LGSN: variants seen among roughly 807,000 people sequenced by gnomAD.
The protein encoded by LGSN is lengsin.
A neutral mutation model predicts 19.5 loss-of-function variants in LGSN; 21 were observed. That is an observed-to-expected ratio of 1.07 (90% confidence interval 0.76 to 1.55). The LOEUF (loss-of-function observed/expected upper bound fraction) is 1.55. Ranked by LOEUF, LGSN falls within the 40% of genes most tolerant of loss-of-function variation. The pLI, the probability that LGSN is intolerant of heterozygous loss-of-function variation, is 0.00. For synonymous variants in LGSN, 257 were observed against 215.6 expected (o/e 1.19, Z -1.68); for missense variants, 673 against 608.5 (o/e 1.11, Z -1.12).
the LGSN span, among the ~76,000 whole-genome samples, chr6:63,549,680 T>C: frequency 6.6e-6 from 1 of 151,988 alleles, no homozygotes; most frequent in Non-Finnish European, 1.5e-5. Flanking sequence ...CTGGAGGACA[T>C]TATGTTAAGT....
the LGSN span, among the ~76,000 whole-genome samples, chr6:63,467,063 A>G: frequency 2.0e-5 from 3 of 152,152 alleles, no homozygotes; most frequent in African/African-American, 7.2e-5. Flanking sequence ...AGGTCGGAGG[A>G]CTGAGCCCTG....
At chr6:63,550,898 T>G in the LGSN span, among the ~76,000 whole-genome samples, 1 of 152,196 alleles carries the variant, frequency 6.6e-6, no homozygotes, top group South Asian at 2.1e-4. Context: ...AGTGTTTGGA[T>G]TACATGGATG....
chr6:63,349,212 G>A, the LGSN span, among the ~76,000 whole-genome samples: 2 of 152,202 alleles, frequency 1.3e-5, no homozygotes, highest in Admixed American at 1.3e-4. Context: ...ATTGACTTAA[G>A]TAAGATAATA....
chr6:63,479,390 CTTCT>C, the LGSN span, among the ~76,000 whole-genome samples: 1 of 118,296 alleles, frequency 8.5e-6, no homozygotes, highest in African/African-American at 2.6e-5. Context: ...ACAGTAACAA[CTTCT>C]TTTTTTTTTT....
At chr6:63,412,763 G>C in the LGSN span, among the ~76,000 whole-genome samples, 22 of 22,776 alleles carry the variant, frequency 9.7e-4, no homozygotes, top group Non-Finnish European at 1.7e-3. Flanking sequence ...AAGAAAGAAA[G>C]AAAGAAAGGA....
chr6:63,414,039 T>G, the LGSN span, among the ~76,000 whole-genome samples: 1 of 152,230 alleles, frequency 6.6e-6, no homozygotes, highest in Admixed American at 6.5e-5. Context: ...TCGAGAAGAG[T>G]GGCCACTGGA....
the LGSN span, among the ~76,000 whole-genome samples, chr6:63,490,072 C>T: frequency 1.3e-5 from 2 of 152,126 alleles, no homozygotes; most frequent in Non-Finnish European, 2.9e-5. Flanking sequence ...AATAAAATAA[C>T]ATTTCATTGA....
the LGSN span, among the ~76,000 whole-genome samples, chr6:63,502,171 G>A: frequency 6.6e-6 from 1 of 152,080 alleles, no homozygotes; most frequent in African/African-American, 2.4e-5. Context: ...AGATTCAGAG[G>A]GAGCCTTAAC....
At chr6:63,421,860 C>G in the LGSN span, among the ~76,000 whole-genome samples, 1 of 151,984 alleles carries the variant, frequency 6.6e-6, no homozygotes, top group Non-Finnish European at 1.5e-5. Flanking sequence ...CCTCACAGTT[C>G]TGGAGGGAAA....
the LGSN span, among the ~76,000 whole-genome samples, chr6:63,354,350 T>G: frequency 6.6e-6 from 1 of 152,122 alleles, no homozygotes; most frequent in African/African-American, 2.4e-5. Flanking sequence ...TAACATTTCT[T>G]GGACGAAGAC....
At chr6:63,483,658 G>A in the LGSN span, among the ~76,000 whole-genome samples, 1 of 152,096 alleles carries the variant, frequency 6.6e-6, no homozygotes, top group Non-Finnish European at 1.5e-5. Flanking sequence ...GAGCTGCCAT[G>A]ACAAAATGTC....
the LGSN span, among the ~76,000 whole-genome samples, chr6:63,502,634 T>C: frequency 1.3e-5 from 2 of 152,368 alleles, no homozygotes; most frequent in East Asian, 1.9e-4. Context: ...TTCTTTAATA[T>C]GATTTATCAA....
the LGSN span, among the ~76,000 whole-genome samples, chr6:63,336,082 G>C: frequency 2.4e-4 from 37 of 152,306 alleles, no homozygotes; most frequent in Non-Finnish European, 4.7e-4. Context: ...TTGAGTGGGG[G>C]AGGATTAAGA....
Position 63,279,964 on chromosome 6 carries a change from G to T in LGSN, c.*57C>A. 2 of 1,445,448 alleles carry T rather than the reference G, an allele frequency of 1.4e-6. No individual in the cohort carries two copies. The highest frequency in any genetic ancestry group is 1.4e-5 in the South Asian group (1 of 69,900). The allele number at this position is 1,445,448 out of a possible 1,614,324, so 89.5% of individuals were successfully genotyped here. On this transcript the variant is annotated 3_prime_UTR_variant, in exon 4 of 4. Transcript: ENST00000370657. Reference sequence around the variant, plus strand: ...TACAAAAGTTCAGTCTTTTTGTTTTGGTAGATTAGCTTTAAGTAACAATTA... The same window carrying T: ...TACAAAAGTTCAGTCTTTTTGTTTTTGTAGATTAGCTTTAAGTAACAATTA...
chr6:63,386,427 C>CTTGT, the LGSN span, among the ~76,000 whole-genome samples: 2 of 152,056 alleles, frequency 1.3e-5, no homozygotes, highest in African/African-American at 2.4e-5. Flanking sequence ...TTATTGCTTA[C>CTTGT]TTGTTTGTTT....
the LGSN span, among the ~76,000 whole-genome samples, chr6:63,488,606 AG>A: frequency 6.6e-6 from 1 of 152,164 alleles, no homozygotes; most frequent in Non-Finnish European, 1.5e-5. Context: ...ATGGAATTAG[AG>A]GTGTGAATTT....
At chr6:63,482,212 T>C in the LGSN span, among the ~76,000 whole-genome samples, 1 of 152,326 alleles carries the variant, frequency 6.6e-6, no homozygotes, top group African/African-American at 2.4e-5. Flanking sequence ...ACATGTTGGA[T>C]GTAAGCTTCA....
chr6:63,492,584 C>T, the LGSN span, among the ~76,000 whole-genome samples: 1 of 152,204 alleles, frequency 6.6e-6, no homozygotes, highest in Non-Finnish European at 1.5e-5. Flanking sequence ...TAAGACCTTA[C>T]ATCTTTATTA....
chr6:63,432,597 C>G, the LGSN span, among the ~76,000 whole-genome samples: 5 of 151,530 alleles, frequency 3.3e-5, no homozygotes, highest in African/African-American at 1.2e-4. Context: ...GAGGCTGAGG[C>G]AGGAGAATGG....
Sources: allele counts gnomAD v4.1 joint callset (sites outside exome capture counted in the v4.1 genomes callset), GRCh38; gene constraint gnomAD v4.1.1; transcripts MANE v1.5; gene names NCBI Gene and HGNC (gene_info 2026-07-23, HGNC 2026-07-21).